Variants in CUX1 observed in about 807,000 individuals in gnomAD.
The protein encoded by CUX1 is cut like homeobox 1.
CUX1 carries 31 observed loss-of-function variants against 158.8 expected under a neutral mutation model. The observed-to-expected ratio is 0.20, with a 90% CI of 0.15 to 0.26. The LOEUF (loss-of-function observed/expected upper bound fraction) is 0.26, where lower values mean the gene tolerates loss of function less well. Among genes scored for constraint, CUX1 ranks in the 10% least tolerant of loss-of-function variants. The pLI, the probability that CUX1 is intolerant of heterozygous loss-of-function variation, is 1.00. For missense variants in CUX1, 1,589 were observed against 2,014.6 expected (o/e 0.79, Z 4.04); for synonymous variants, 879 against 862.1 (o/e 1.02, Z -0.34).
chr7:102,194,123 G>A, intron 13 of CUX1: 2 of 576,292 alleles, frequency 3.5e-6, no homozygotes, highest in Middle Eastern at 4.8e-4. Context: ...GCCAAGCTGG[G>A]GATGAACAAG....
chr7:101,989,001 AAATAAT>A (rs111725872), intron 2 of CUX1, among the ~76,000 whole-genome samples: 5,041 of 146,726 alleles, frequency 0.034, 107 homozygotes, highest in Non-Finnish European at 0.048. Context: ...CTCAAAAAAA[AAATAAT>A]AATAATAATA....
At chr7:101,953,764 A>C (rs1277915837) in intron 2 of CUX1, among the ~76,000 whole-genome samples, 1 of 150,838 alleles carries the variant, frequency 6.6e-6, no homozygotes, top group Non-Finnish European at 1.5e-5. Context: ...TCACGACTGG[A>C]GGGTTGAAGG....
chr7:101,955,968 G>A lies in CUX1; in HGVS notation c.141+39743G>A, dbSNP rs182747162. 2.1e-3 allele frequency among the ~76,000 whole-genome samples: 317 copies of A among 151,942 alleles called. 4 individuals are homozygous for A. The highest frequency in any genetic ancestry group is 7.3e-3 in the African/African-American group (302 of 41,424). ...GGAGGCCAAGGTGGGCGGATCACGA[G>A]GTCAGGGGATGAGACCATCCTGGCT... On this transcript the variant is annotated intron_variant, in intron 2 of 23. Transcript: ENST00000292535.
intron 10 of CUX1, among the ~76,000 whole-genome samples, chr7:102,177,161 C>G (rs1343182951): frequency 1.3e-5 from 2 of 151,706 alleles, no homozygotes; most frequent in African/African-American, 4.8e-5. Flanking sequence ...TGCCTATAAT[C>G]CCAGCACTTT....
At chr7:102,147,755 G>C (rs1325942100) in intron 8 of CUX1, among the ~76,000 whole-genome samples, 1 of 152,128 alleles carries the variant, frequency 6.6e-6, no homozygotes, top group Non-Finnish European at 1.5e-5. Context: ...CCAGCACTTT[G>C]GGAGGCCAAG....
chr7:101,930,268 A>T (rs1806139525), intron 2 of CUX1, among the ~76,000 whole-genome samples: 1 of 152,210 alleles, frequency 6.6e-6, no homozygotes, highest in Non-Finnish European at 1.5e-5. Flanking sequence ...GTCAGGGGGA[A>T]TGTTTTCTAG....
intron 20 of CUX1, among the ~76,000 whole-genome samples, chr7:102,219,224 A>G (rs967268436): frequency 3.3e-5 from 5 of 151,768 alleles, no homozygotes; most frequent in Admixed American, 2.0e-4. Context: ...GAGAGAGAGA[A>G]AGAAAATCAT....
chr7:101,932,498 T>G (rs762218193), intron 2 of CUX1: 29 of 427,540 alleles, frequency 6.8e-5, no homozygotes, highest in Non-Finnish European at 1.3e-4. Flanking sequence ...TTTTCAAGCC[T>G]TTTCTTGAGA....
At chr7:102,214,718 C>G (rs782289618) in intron 20 of CUX1, among the ~76,000 whole-genome samples, 3 of 152,214 alleles carry the variant, frequency 2.0e-5, no homozygotes, top group Admixed American at 1.3e-4. Flanking sequence ...AGGGACCTGC[C>G]CCGCTCCCGG....
intron 3 of CUX1, among the ~76,000 whole-genome samples, chr7:102,032,594 G>A (rs562136235): frequency 7.9e-5 from 12 of 152,196 alleles, no homozygotes; most frequent in South Asian, 2.1e-4. Flanking sequence ...AGTTGAACTC[G>A]GGAGGCAGAG....
At chr7:101,863,081 A>G (rs1584799551) in intron 1 of CUX1, among the ~76,000 whole-genome samples, 1 of 152,160 alleles carries the variant, frequency 6.6e-6, no homozygotes, top group Non-Finnish European at 1.5e-5. Context: ...CCCAGACATC[A>G]TATCTTTTGC....
chr7:102,236,019 T>G (rs1799526524), intron 22 of CUX1, among the ~76,000 whole-genome samples: 1 of 152,184 alleles, frequency 6.6e-6, no homozygotes, highest in South Asian at 2.1e-4. Context: ...TGCCAGGCAC[T>G]GCGCTAAGAC....
chr7:102,125,725 G>C (rs534752303), intron 8 of CUX1: 1 of 148,942 alleles, frequency 6.7e-6, no homozygotes, highest in African/African-American at 2.5e-5. Context: ...CACTGTACAT[G>C]TGTCCATGTA....
intron 22 of CUX1, among the ~76,000 whole-genome samples, chr7:102,238,359 T>C (rs1366993593): frequency 1.3e-5 from 2 of 152,246 alleles, no homozygotes; most frequent in Non-Finnish European, 2.9e-5. Flanking sequence ...CTGGTGGCCC[T>C]GTCTGGGCAT....
intron 22 of CUX1, among the ~76,000 whole-genome samples, chr7:102,239,022 G>T (rs1412017075): frequency 6.6e-6 from 1 of 152,172 alleles, no homozygotes; most frequent in Admixed American, 6.5e-5. Flanking sequence ...TAGTAGCTGG[G>T]ATTACAGGTG....
chr7:102,174,331 C>T (rs1792057554), intron 10 of CUX1, among the ~76,000 whole-genome samples: 1 of 152,144 alleles, frequency 6.6e-6, no homozygotes, highest in Admixed American at 6.6e-5. Context: ...GTTGGTCAGG[C>T]TGGTCTCAAA....
exon 23 of CUX1, chr7:102,283,055 G>C: frequency 6.2e-7 from 1 of 1,613,386 alleles, no homozygotes; most frequent in Non-Finnish European, 8.5e-7. Context: ...CCACGAGAAT[G>C]ACAACGGGGC....
At chr7:102,245,836 G>A (rs948241649) in intron 23 of CUX1, among the ~76,000 whole-genome samples, 6 of 152,012 alleles carry the variant, frequency 3.9e-5, no homozygotes, top group Admixed American at 2.6e-4. Context: ...GCCAGTTGTC[G>A]TGGCACGTAC....
At chr7:102,128,461 G>A (rs1440354886) in intron 8 of CUX1, among the ~76,000 whole-genome samples, 1 of 150,650 alleles carries the variant, frequency 6.6e-6, no homozygotes, top group Non-Finnish European at 1.5e-5. Flanking sequence ...TTCTTGCCCA[G>A]TTCTACTTCC....
Sources: allele counts gnomAD v4.1 joint callset (sites outside exome capture counted in the v4.1 genomes callset), GRCh38; gene constraint gnomAD v4.1.1; transcripts MANE v1.5; gene names NCBI Gene and HGNC (gene_info 2026-07-23, HGNC 2026-07-21).